The following PTPRD variants were observed in gnomAD, a reference collection of about 807,000 sequenced individuals.
PTPRD encodes protein tyrosine phosphatase receptor type D.
PTPRD carries 34 observed loss-of-function variants against 214.5 expected under a neutral mutation model. The observed-to-expected ratio is 0.16, with a 90% confidence interval of 0.12 to 0.21. The LOEUF is 0.21. Among genes scored for constraint, PTPRD ranks in the 10% least tolerant of loss-of-function variants. PTPRD has a pLI of 1.00. For missense variants in PTPRD, 2,545 were observed against 2,398.7 expected, an observed-to-expected ratio of 1.06 and a Z score of -1.27; for synonymous variants, 1,128 against 845.7, an observed-to-expected ratio of 1.33 and a Z score of -5.79.
intron 5 of PTPRD, among the ~76,000 whole-genome samples, chr9:9,896,420 C>T (rs2074993731): frequency 1.3e-5 from 2 of 151,968 alleles, no homozygotes; most frequent in Non-Finnish European, 2.9e-5. Flanking sequence ...TTTCAAGCAG[C>T]TGAAACTGGA....
intron 6 of PTPRD, among the ~76,000 whole-genome samples, chr9:9,765,349 T>C (rs1050915594): frequency 3.3e-5 from 5 of 152,276 alleles, no homozygotes; most frequent in Admixed American, 6.5e-5. Flanking sequence ...AGCATTACGT[T>C]TGCATGAGAT....
intron 14 of PTPRD, among the ~76,000 whole-genome samples, chr9:8,547,555 A>G (rs576002218): frequency 2.0e-5 from 3 of 151,722 alleles, no homozygotes; most frequent in Admixed American, 6.6e-5. Flanking sequence ...AGGCAAGAAA[A>G]TTGCTTGGGC....
intron 2 of PTPRD, among the ~76,000 whole-genome samples, chr9:10,380,981 T>C (rs910839437): frequency 6.6e-6 from 1 of 151,916 alleles, no homozygotes; most frequent in East Asian, 1.9e-4. Context: ...AATTGACATA[T>C]GGTAGTGATA....
intron 2 of PTPRD, among the ~76,000 whole-genome samples, chr9:10,605,869 A>G (rs925321082): frequency 6.6e-6 from 1 of 151,812 alleles, no homozygotes; most frequent in African/African-American, 2.4e-5. Flanking sequence ...ACTAGATAAT[A>G]TTATATGATT....
intron 2 of PTPRD, among the ~76,000 whole-genome samples, chr9:10,603,635 G>C (rs118052487): frequency 0.029 from 4,391 of 151,894 alleles, 127 homozygotes; most frequent in East Asian, 0.082. Context: ...GGAATGATAT[G>C]GGTATAAATA....
At chr9:9,200,520 C>T (rs1221025905) in intron 9 of PTPRD, among the ~76,000 whole-genome samples, 1 of 152,208 alleles carries the variant, frequency 6.6e-6, no homozygotes, top group Non-Finnish European at 1.5e-5. Flanking sequence ...TTTAATCCTA[C>T]AACCCTCTCA....
chr9:9,440,126 T>C (rs2086950533), intron 8 of PTPRD, among the ~76,000 whole-genome samples: 2 of 152,172 alleles, frequency 1.3e-5, no homozygotes, highest in Admixed American at 6.6e-5. Context: ...TATCATTATA[T>C]ATAAGCATTA....
At chr9:10,561,607 C>G (rs1034739386) in intron 2 of PTPRD, among the ~76,000 whole-genome samples, 1 of 152,090 alleles carries the variant, frequency 6.6e-6, no homozygotes, top group Admixed American at 6.6e-5. Context: ...AAACCCAGGA[C>G]TCCCAAATCT....
chr9:9,789,799 A>T lies in PTPRD; in HGVS notation c.-367-22948T>A, dbSNP rs1386507168. Among the ~76,000 whole-genome samples, 5 of 119,492 alleles carry T rather than the reference A, an allele frequency of 4.2e-5. No homozygotes were observed. The East Asian group carries it at 1.1e-3, about 27-fold the overall frequency. 78.4% of individuals were successfully genotyped at this position (119,492 alleles called of 152,430 possible). On this transcript the variant is annotated intron_variant, in intron 5 of 45. Coordinates refer to ENST00000381196, the MANE Select transcript of PTPRD (RefSeq NM_002839.4). The stretch of plus-strand genomic sequence containing the variant: ...GCAACAGAGCCAAACTCTGTCTCAA[A>T]AAAAAAAAAAAAAAAAAAAAAAAAA...
At chr9:9,914,507 T>C (rs1285072822) in intron 5 of PTPRD, among the ~76,000 whole-genome samples, 5 of 152,178 alleles carry the variant, frequency 3.3e-5, no homozygotes, top group African/African-American at 1.2e-4. Context: ...CCAAACAGCC[T>C]TTCTCTCACA....
intron 3 of PTPRD, among the ~76,000 whole-genome samples, chr9:10,053,690 T>C (rs1423583234): frequency 1.3e-5 from 2 of 152,168 alleles, no homozygotes; most frequent in Admixed American, 6.5e-5. Flanking sequence ...ATTTTACCAT[T>C]CTAATTTATG....
chr9:9,677,835 A>T (rs1225445068), intron 7 of PTPRD, among the ~76,000 whole-genome samples: 1 of 152,154 alleles, frequency 6.6e-6, no homozygotes, highest in Non-Finnish European at 1.5e-5. Flanking sequence ...ATCTCAGCCC[A>T]AAATCTCCTT....
At chr9:8,820,923 T>C (rs77369356) in intron 11 of PTPRD, among the ~76,000 whole-genome samples, 5,005 of 152,288 alleles carry the variant, frequency 0.033, 149 homozygotes, top group East Asian at 0.089. Flanking sequence ...AATAATATGA[T>C]GTCATACAAT....
At chr9:10,073,159 C>T (rs1256671186) in intron 3 of PTPRD, among the ~76,000 whole-genome samples, 2 of 151,908 alleles carry the variant, frequency 1.3e-5, no homozygotes, top group African/African-American at 2.4e-5. Context: ...ATGAAGCCCA[C>T]AAGGTTTTAG....
intron 14 of PTPRD, 79 bp downstream of exon 14, chr9:8,633,238 T>C: frequency 6.6e-7 from 1 of 1,511,764 alleles, no homozygotes; most frequent in East Asian, 2.3e-5. Flanking sequence ...ATCACAATGC[T>C]AGTCTTTTCA....
intron 11 of PTPRD, among the ~76,000 whole-genome samples, chr9:8,912,757 T>G (rs200770784): frequency 1.3e-5 from 2 of 152,242 alleles, no homozygotes; most frequent in East Asian, 3.9e-4. Flanking sequence ...AAAATGGAAA[T>G]TAAGTGTGGA....
chr9:10,171,105 AG>A (rs1304840590), intron 3 of PTPRD, among the ~76,000 whole-genome samples: 2 of 152,190 alleles, frequency 1.3e-5, no homozygotes, highest in Admixed American at 6.5e-5. Context: ...ACATTTATAA[AG>A]CCCCATTTAC....
intron 2 of PTPRD, among the ~76,000 whole-genome samples, chr9:10,481,412 A>C (rs1346406557): frequency 6.6e-6 from 1 of 152,218 alleles, no homozygotes; most frequent in Non-Finnish European, 1.5e-5. Context: ...ATAAAAACAT[A>C]TTCATAGATA....
At chr9:8,469,801 C>T (rs1344168875) in intron 31 of PTPRD, among the ~76,000 whole-genome samples, 1 of 152,066 alleles carries the variant, frequency 6.6e-6, no homozygotes, top group Non-Finnish European at 1.5e-5. Context: ...GAACTCATCT[C>T]CTCGTCTGAA....
Sources: gnomAD v4.1 joint callset for allele counts (sites outside exome capture counted in the v4.1 genomes callset) on GRCh38, gnomAD v4.1.1 for gene constraint, MANE v1.5 for transcripts, NCBI Gene and HGNC (gene_info 2026-07-23, HGNC 2026-07-21) for gene names.